Variants in LINC00632 observed in about 807,000 individuals in gnomAD.
LINC00632 encodes the protein long independently transcribed non-coding RNA 632.
chrX:140,716,845 TG>T lies in LINC00632; in HGVS notation n.104+5190del, dbSNP rs1437575351. On this transcript the variant is annotated intron_variant and non_coding_transcript_variant, in intron 2 of 4. Transcript: ENST00000648200. ...CACACACATCCTAACCTCATAGATA[TG>T]CCCTACATCATACAAACACACCCTA... Among the ~76,000 whole-genome samples, 3 of 109,682 alleles carry T rather than the reference TG, an allele frequency of 2.7e-5. No individual in the cohort carries two copies. In the Admixed American group the frequency reaches 2.9e-4, roughly 11 times the overall value.
At chrX:140,772,511 A>T (rs1931816372) in exon 4 of LINC00632, 1 of 289,647 alleles carries the variant, frequency 3.5e-6, no homozygotes, top group African/African-American at 2.8e-5. Context: ...GAACAAGGAG[A>T]GGGATGATAG....
chrX:140,725,219 TACTC>T (rs778598359), intron 2 of LINC00632, among the ~76,000 whole-genome samples: 21 of 45,264 alleles, frequency 4.6e-4, no homozygotes, highest in Admixed American at 2.5e-3. Context: ...TCCGTACACA[TACTC>T]AGACACACAT....
intron 2 of LINC00632, among the ~76,000 whole-genome samples, chrX:140,722,383 C>G (rs1930743930): frequency 9.3e-6 from 1 of 107,504 alleles, no homozygotes; most frequent in Admixed American, 1.0e-4. Context: ...AAAAAAACAA[C>G]CTCACAGACA....
rs145114754 is a variant in LINC00632 at position 140,770,658 on chromosome X, C to A, written n.192-1420C>A. On this transcript the variant is annotated intron_variant and non_coding_transcript_variant, in intron 3 of 4. Coordinates refer to ENST00000648200, the Ensembl canonical transcript of LINC00632. ...TATATTTATTTATGTTACCACAGTT[C>A]CATTACTGCACCCAATAGAATCAAC... Among the ~76,000 whole-genome samples the A allele has an allele frequency of 4.0e-3, 448 of 112,251 alleles. 7 individuals are homozygous for A. Among genetic ancestry groups the A allele is most frequent in the African/African-American group, 0.014 (419 of 30,919 alleles).
intron 3 of LINC00632, among the ~76,000 whole-genome samples, chrX:140,741,584 C>T (rs761525125): frequency 1.5e-4 from 17 of 111,943 alleles, no homozygotes; most frequent in South Asian, 3.8e-4. Context: ...CAAGGGTGCC[C>T]GCCATCTCAG....
intron 3 of LINC00632, among the ~76,000 whole-genome samples, chrX:140,746,112 G>T (rs190089721): frequency 0.025 from 2,847 of 111,767 alleles, 42 homozygotes; most frequent in Middle Eastern, 0.051. Flanking sequence ...ATATTTATGG[G>T]GTACCATGTG....
exon 5 of LINC00632, among the ~76,000 whole-genome samples, chrX:140,789,673 TTTAAA>T (rs1465195728): frequency 1.8e-5 from 2 of 112,262 alleles, no homozygotes; most frequent in Admixed American, 1.9e-4. Flanking sequence ...ATCTCATTCC[TTTAAA>T]TTATTTTTCT....
At chrX:140,717,046 G>A (rs900760209) in intron 2 of LINC00632, among the ~76,000 whole-genome samples, 1 of 109,527 alleles carries the variant, frequency 9.1e-6, no homozygotes, top group Non-Finnish European at 1.9e-5. Context: ...GTGCAGTGGC[G>A]CAATCTCGGC....
chrX:140,764,054 T>G (rs929793972), intron 3 of LINC00632, among the ~76,000 whole-genome samples: 1 of 110,715 alleles, frequency 9.0e-6, no homozygotes, highest in Non-Finnish European at 1.9e-5. Flanking sequence ...GTGTCAAGCG[T>G]GCACAGGCAG....
chrX:140,711,699 C>G (rs1569346032), intron 2 of LINC00632: 1 of 245,787 alleles, frequency 4.1e-6, no homozygotes, highest in Admixed American at 5.0e-5. Flanking sequence ...CACCTATCAC[C>G]TAATTTATTT....
intron 2 of LINC00632, among the ~76,000 whole-genome samples, chrX:140,713,170 T>C (rs1009793802): frequency 4.9e-4 from 43 of 88,597 alleles, no homozygotes; most frequent in African/African-American, 1.8e-3. Flanking sequence ...TTACTGTATA[T>C]GGAGCATTTT....
chrX:140,785,909 A>C (rs1396889510), exon 5 of LINC00632, among the ~76,000 whole-genome samples: 3 of 111,533 alleles, frequency 2.7e-5, no homozygotes, highest in Non-Finnish European at 5.6e-5. Flanking sequence ...CCTGCTTCAA[A>C]TATCGCAACC....
intron 3 of LINC00632, among the ~76,000 whole-genome samples, chrX:140,755,609 G>A (rs1165627047): frequency 8.9e-6 from 1 of 112,316 alleles, no homozygotes; most frequent in Non-Finnish European, 1.9e-5. Context: ...AGAATGAATA[G>A]ATGAATTTAT....
At chrX:140,781,526 A>G (rs1486570273) in exon 5 of LINC00632, among the ~76,000 whole-genome samples, 1 of 111,263 alleles carries the variant, frequency 9.0e-6, no homozygotes, top group Non-Finnish European at 1.9e-5. Flanking sequence ...TTGCCTAGAG[A>G]TCTAAATTCT....
At chrX:140,737,119 C>T (rs1442885417) in intron 3 of LINC00632, among the ~76,000 whole-genome samples, 1 of 109,276 alleles carries the variant, frequency 9.2e-6, no homozygotes, top group Non-Finnish European at 1.9e-5. Flanking sequence ...AGGCTGGTCT[C>T]GAGCTCCTAG....
At chrX:140,738,949 C>T (rs922057583) in intron 3 of LINC00632, among the ~76,000 whole-genome samples, 5 of 111,898 alleles carry the variant, frequency 4.5e-5, no homozygotes, top group African/African-American at 1.6e-4. Context: ...TAATCTGGTT[C>T]AGTATACTGC....
chrX:140,723,051 A>AAG (rs1930759607), intron 2 of LINC00632, among the ~76,000 whole-genome samples: 1 of 94,685 alleles, frequency 1.1e-5, no homozygotes, highest in South Asian at 5.6e-4. Context: ...AAAAAAAAAA[A>AAG]AAGAAAAGAA....
intron 3 of LINC00632, among the ~76,000 whole-genome samples, chrX:140,745,745 G>C (rs1931318155): frequency 8.9e-6 from 1 of 111,999 alleles, no homozygotes; most frequent in Non-Finnish European, 1.9e-5. Flanking sequence ...AAGTTATCTG[G>C]TTATATTTTT....
At chrX:140,725,646 A>G (rs73590144) in intron 2 of LINC00632, among the ~76,000 whole-genome samples, 5,051 of 111,868 alleles carry the variant, frequency 0.045, 293 homozygotes, top group African/African-American at 0.15. Context: ...AATGAAACCT[A>G]CACTACCCAG....
Sources: gnomAD v4.1 joint callset for allele counts (sites outside exome capture counted in the v4.1 genomes callset) on GRCh38, gnomAD v4.1.1 for gene constraint, MANE v1.5 for transcripts, NCBI Gene and HGNC (gene_info 2026-07-23, HGNC 2026-07-21) for gene names.